The following ICA1 variants were observed in gnomAD, a reference collection of about 807,000 sequenced individuals.
The protein encoded by ICA1 is islet cell autoantigen 1.
A neutral mutation model predicts 71.0 loss-of-function variants in ICA1; 40 were observed. The observed-to-expected ratio is 0.56, with a 90% CI of 0.44 to 0.73. The LOEUF is 0.73. ICA1 is among the 30% of genes least tolerant of loss of function. The pLI is 0.00. For missense variants in ICA1, 578 were observed against 576.5 expected (o/e 1.00, Z -0.03); for synonymous variants, 207 against 209.5 (o/e 0.99, Z 0.10).
At chr7:8,135,343 T>C (rs1308656120) in intron 12 of ICA1, among the ~76,000 whole-genome samples, 1 of 151,942 alleles carries the variant, frequency 6.6e-6, no homozygotes, top group Non-Finnish European at 1.5e-5. Flanking sequence ...TTTATAGAAA[T>C]CTTTATAAGG....
chr7:8,240,767 T>TA (rs1253035183), intron 1 of ICA1, among the ~76,000 whole-genome samples: 1 of 152,150 alleles, frequency 6.6e-6, no homozygotes, highest in Non-Finnish European at 1.5e-5. Flanking sequence ...GTGACGCATT[T>TA]ACAAGCTTCA....
intron 8 of ICA1, among the ~76,000 whole-genome samples, chr7:8,155,349 C>G (rs978556079): frequency 3.9e-5 from 6 of 152,204 alleles, no homozygotes; most frequent in African/African-American, 1.4e-4. Flanking sequence ...ACTAAATTCT[C>G]TGCCCAGAAA....
At chr7:8,238,806 T>C (rs753863808) in intron 1 of ICA1, among the ~76,000 whole-genome samples, 7 of 152,218 alleles carry the variant, frequency 4.6e-5, no homozygotes, top group Non-Finnish European at 1.0e-4. Flanking sequence ...TACGGCAGTG[T>C]TCCTCAAGGT....
intron 3 of ICA1, among the ~76,000 whole-genome samples, chr7:8,231,357 G>C (rs1047251804): frequency 9.2e-5 from 14 of 152,048 alleles, no homozygotes; most frequent in African/African-American, 3.1e-4. Context: ...CTATGTACTA[G>C]AGATACCATA....
intron 1 of ICA1, among the ~76,000 whole-genome samples, chr7:8,259,401 A>G: frequency 6.6e-6 from 1 of 152,226 alleles, no homozygotes; most frequent in East Asian, 1.9e-4. Flanking sequence ...CCAACTTCAG[A>G]GAGTGTTTTC....
At chr7:8,209,735 G>T (rs943518717) in intron 6 of ICA1, among the ~76,000 whole-genome samples, 1 of 44,608 alleles carries the variant, frequency 2.2e-5, no homozygotes, top group Non-Finnish European at 4.2e-5. Context: ...TTGGGAAGTC[G>T]GCAAAGGCTC....
chr7:8,258,730 T>A (rs1811155332), intron 1 of ICA1, among the ~76,000 whole-genome samples: 1 of 152,230 alleles, frequency 6.6e-6, no homozygotes, highest in Non-Finnish European at 1.5e-5. Flanking sequence ...TTGTGAAAAT[T>A]ACTTACAGGT....
At chr7:8,241,216 C>G (rs930422980) in intron 1 of ICA1, among the ~76,000 whole-genome samples, 1 of 152,206 alleles carries the variant, frequency 6.6e-6, no homozygotes, top group Non-Finnish European at 1.5e-5. Flanking sequence ...TAGCAGATCT[C>G]TCAGCAGAAA....
chr7:8,157,235 G>A (rs1164231463), intron 7 of ICA1, 21 bp from the exon 8 acceptor site: 18 of 1,576,786 alleles, frequency 1.1e-5, no homozygotes, highest in Non-Finnish European at 1.5e-5. Context: ...AGACAGTAAA[G>A]CTATTAATGT....
At chr7:8,169,619 T>C (rs546790855) in intron 6 of ICA1, among the ~76,000 whole-genome samples, 30 of 152,218 alleles carry the variant, frequency 2.0e-4, no homozygotes, top group African/African-American at 7.0e-4. Context: ...TGAACTTCTT[T>C]TCATATCTTA....
At chr7:8,246,022 A>G (rs1805869475) in intron 1 of ICA1, among the ~76,000 whole-genome samples, 1 of 152,216 alleles carries the variant, frequency 6.6e-6, no homozygotes, top group South Asian at 2.1e-4. Flanking sequence ...TGATTCTGCA[A>G]TGGAAGCTAT....
In ICA1 at chr7:8,146,918, G is replaced by A. The variant is rs541542944; in HGVS notation, c.805-2946C>T. On this transcript the variant is annotated intron_variant, in intron 8 of 13. Coordinates refer to ENST00000402384, the MANE Select transcript of ICA1 (RefSeq NM_001136020.3). ...CACACACACACACACTCGCCTTTCG[G>A]TAGTTTTATTCCTCCACAAAATGGT... 3.9e-3 allele frequency among the ~76,000 whole-genome samples: 579 copies of A among 148,736 alleles called. 5 individuals are homozygous for A. Among genetic ancestry groups the A allele is most frequent in the African/African-American group, 0.014 (555 of 40,644 alleles).
intron 6 of ICA1, among the ~76,000 whole-genome samples, chr7:8,203,606 T>A (rs1790487382): frequency 6.6e-6 from 1 of 152,176 alleles, no homozygotes; most frequent in Non-Finnish European, 1.5e-5. Context: ...GAAGCCAGGA[T>A]TCTCCACATC....
chr7:8,182,732 T>C (rs1782593740), intron 6 of ICA1, among the ~76,000 whole-genome samples: 1 of 152,266 alleles, frequency 6.6e-6, no homozygotes, highest in African/African-American at 2.4e-5. Context: ...TAAAAACATT[T>C]TGTCTTTTAA....
rs1006676770 is a variant in ICA1, at chr7:8,130,914, T to C, written c.1061-2772A>G. Among the ~76,000 whole-genome samples, 4 of 152,200 alleles carry C rather than the reference T, an allele frequency of 2.6e-5. No homozygotes were observed. Among genetic ancestry groups the C allele is most frequent in the Non-Finnish European group, 5.9e-5 (4 of 68,034 alleles). On this transcript the variant is annotated intron_variant, in intron 12 of 13. Transcript: ENST00000402384. The surrounding 1 kb of genome is among the most constrained non-coding windows in gnomAD (Gnocchi z 4.2). The stretch of plus-strand genomic sequence containing the variant: ...CATCCCTTCCCTCTGCTTCTTCAGT[T>C]TTCCCTTTGGGAAAATGCCTTCTCC...
chr7:8,212,706 C>A (rs1019755085), intron 6 of ICA1, among the ~76,000 whole-genome samples: 1 of 152,188 alleles, frequency 6.6e-6, no homozygotes, highest in Non-Finnish European at 1.5e-5. Context: ...AGGGCGGGGA[C>A]GGAGTGTAGC....
intron 13 of ICA1, among the ~76,000 whole-genome samples, chr7:8,114,428 G>C (rs950544083): frequency 1.3e-5 from 2 of 152,200 alleles, no homozygotes; most frequent in Non-Finnish European, 2.9e-5. Context: ...GCTTTCCACT[G>C]TCTGCTGGAG....
intron 1 of ICA1, among the ~76,000 whole-genome samples, chr7:8,247,021 C>A (rs1004555052): frequency 5.4e-4 from 82 of 151,186 alleles, no homozygotes; most frequent in Non-Finnish European, 9.6e-4. Flanking sequence ...GCTGGGATTA[C>A]AGGCGTGAAC....
intron 3 of ICA1, among the ~76,000 whole-genome samples, chr7:8,230,812 C>G (rs1247649865): frequency 6.6e-6 from 1 of 152,132 alleles, no homozygotes; most frequent in Non-Finnish European, 1.5e-5. Flanking sequence ...CCTTGTCAAA[C>G]CCAGTTTCTA....
Sources: gnomAD v4.1 joint callset for allele counts (sites outside exome capture counted in the v4.1 genomes callset) on GRCh38, gnomAD v4.1.1 for gene constraint, Gnocchi (gnomAD v3.1) non-coding constraint, MANE v1.5 for transcripts, NCBI Gene and HGNC (gene_info 2026-07-23, HGNC 2026-07-21) for gene names.